NLGN1: variants seen among roughly 807,000 people sequenced by gnomAD.
NLGN1 encodes the protein neuroligin-1.
In NLGN1, 12 loss-of-function variants were observed where a neutral mutation model predicts 65.5. The ratio of observed to expected loss-of-function variants is 0.18; its 90% CI spans 0.12 to 0.30. The LOEUF is 0.30. Among genes scored for constraint, NLGN1 ranks in the 10% least tolerant of loss-of-function variants. The pLI, the probability that NLGN1 is intolerant of heterozygous loss-of-function variation, is 1.00. For missense variants in NLGN1, 750 were observed against 1,007.1 expected, an observed-to-expected ratio of 0.74 and a Z score of 3.46; for synonymous variants, 350 against 359.5, an observed-to-expected ratio of 0.97 and a Z score of 0.30.
intron 2 of NLGN1, among the ~76,000 whole-genome samples, chr3:173,445,375 C>A (rs1008509868): frequency 6.6e-6 from 1 of 151,560 alleles, no homozygotes; most frequent in South Asian, 2.1e-4. Context: ...GTAAAATGAC[C>A]TGTTCCTTAG....
At chr3:174,240,049 CAG>C (rs1468888802) in intron 4 of NLGN1, among the ~76,000 whole-genome samples, 1 of 151,818 alleles carries the variant, frequency 6.6e-6, no homozygotes, top group Non-Finnish European at 1.5e-5. Flanking sequence ...AGGCATAAAT[CAG>C]AGAAAATAGA....
chr3:174,166,411 G>T (rs988052592), intron 4 of NLGN1, among the ~76,000 whole-genome samples: 14 of 151,998 alleles, frequency 9.2e-5, no homozygotes, highest in African/African-American at 3.1e-4. Flanking sequence ...TTATTTCAAA[G>T]AAGTTTTTGA....
intron 3 of NLGN1, among the ~76,000 whole-genome samples, chr3:173,610,246 T>TA (rs1752079738): frequency 6.6e-6 from 1 of 151,976 alleles, no homozygotes; most frequent in Non-Finnish European, 1.5e-5. Context: ...CTATGTTTTT[T>TA]ATCTGAATAC....
At chr3:173,661,566 T>C (rs538263931) in intron 3 of NLGN1, among the ~76,000 whole-genome samples, 1 of 152,096 alleles carries the variant, frequency 6.6e-6, no homozygotes, top group Non-Finnish European at 1.5e-5. Context: ...GAGTTTACCT[T>C]CCACCATTTG....
At chr3:173,508,941 T>TCAAC (rs1732475625) in intron 2 of NLGN1, among the ~76,000 whole-genome samples, 1 of 152,164 alleles carries the variant, frequency 6.6e-6, no homozygotes, top group African/African-American at 2.4e-5. Context: ...CCCATTTGTA[T>TCAAC]CAGGTGTCTT....
intron 1 of NLGN1, among the ~76,000 whole-genome samples, chr3:173,434,175 G>C (rs553062932): frequency 6.6e-6 from 1 of 152,258 alleles, no homozygotes; most frequent in East Asian, 1.9e-4. Flanking sequence ...GTTTATATCA[G>C]ATAATGTTTA....
chr3:174,262,267 T>C (rs1480050175), intron 4 of NLGN1, among the ~76,000 whole-genome samples: 1 of 96,448 alleles, frequency 1.0e-5, no homozygotes, highest in African/African-American at 5.0e-5. Flanking sequence ...ATGGTACCAG[T>C]TCCTCCTTGT....
At chr3:174,038,589 G>T (rs1731625700) in intron 4 of NLGN1, among the ~76,000 whole-genome samples, 1 of 152,122 alleles carries the variant, frequency 6.6e-6, no homozygotes, top group Non-Finnish European at 1.5e-5. Flanking sequence ...TTTAAGGATT[G>T]TTCAGAATGT....
intron 4 of NLGN1, among the ~76,000 whole-genome samples, chr3:174,248,535 G>A (rs546176611): frequency 2.6e-4 from 39 of 152,278 alleles, no homozygotes; most frequent in South Asian, 4.1e-4. Flanking sequence ...CGAGGCAGGC[G>A]GATCACCTGA....
chr3:173,653,234 AT>A (rs1759495680), intron 3 of NLGN1, among the ~76,000 whole-genome samples: 1 of 152,004 alleles, frequency 6.6e-6, no homozygotes, highest in Admixed American at 6.6e-5. Context: ...CCTTTTATTT[AT>A]TTCTCTTTCC....
chr3:173,597,061 C>G (rs1749602570), intron 2 of NLGN1, among the ~76,000 whole-genome samples: 1 of 152,120 alleles, frequency 6.6e-6, no homozygotes, highest in Non-Finnish European at 1.5e-5. Flanking sequence ...TTAACTAACC[C>G]CGGCAAGCAG....
intron 2 of NLGN1, among the ~76,000 whole-genome samples, chr3:173,436,566 A>G (rs1211618454): frequency 3.3e-5 from 5 of 152,168 alleles, no homozygotes; most frequent in Non-Finnish European, 5.9e-5. Flanking sequence ...CATTAATTCC[A>G]TATCTACAGG....
chr3:173,590,816 T>A (rs1049787694), intron 2 of NLGN1, among the ~76,000 whole-genome samples: 8 of 152,112 alleles, frequency 5.3e-5, no homozygotes, highest in Admixed American at 1.3e-4. Flanking sequence ...TAGAGACAAA[T>A]AGTAACTGAG....
intron 4 of NLGN1, among the ~76,000 whole-genome samples, chr3:173,970,781 G>A (rs910513299): frequency 9.2e-5 from 14 of 152,090 alleles, no homozygotes; most frequent in Admixed American, 2.0e-4. Flanking sequence ...CTGGTACATC[G>A]TTACTGTGCA....
intron 3 of NLGN1, among the ~76,000 whole-genome samples, chr3:173,778,906 A>G (rs79958841): frequency 0.03 from 4,575 of 151,646 alleles, 222 homozygotes; most frequent in African/African-American, 0.1. Context: ...ACAGTGGTAA[A>G]ATTTTTCTTA....
intron 2 of NLGN1, among the ~76,000 whole-genome samples, chr3:173,507,425 T>C (rs563250622): frequency 6.6e-6 from 1 of 152,294 alleles, no homozygotes; most frequent in African/African-American, 2.4e-5. Flanking sequence ...ATGGAAATTT[T>C]CATTTCTCAT....
chr3:173,625,966 T>A (rs1204784913), intron 3 of NLGN1, among the ~76,000 whole-genome samples: 1 of 152,096 alleles, frequency 6.6e-6, no homozygotes, highest in Non-Finnish European at 1.5e-5. Flanking sequence ...TAAAAATAAA[T>A]ACAGCTTTGG....
chr3:173,951,457 C>CTTTTTTTTTT (rs67595515), intron 4 of NLGN1, among the ~76,000 whole-genome samples: 1 of 142,606 alleles, frequency 7.0e-6, no homozygotes, highest in Non-Finnish European at 1.5e-5. Context: ...AGGTATCATT[C>CTTTTTTTTTT]TTTTTTTTTT....
chr3:174,141,772 A>G (rs1405637839), intron 4 of NLGN1, among the ~76,000 whole-genome samples: 2 of 152,238 alleles, frequency 1.3e-5, no homozygotes, highest in African/African-American at 4.8e-5. Flanking sequence ...ATAGATCAGC[A>G]TTAAATTAAT....
Sources: gnomAD v4.1 joint callset for allele counts (sites outside exome capture counted in the v4.1 genomes callset) on GRCh38, gnomAD v4.1.1 for gene constraint, MANE v1.5 for transcripts, NCBI Gene and HGNC (gene_info 2026-07-23, HGNC 2026-07-21) for gene names.